The following ANK3 variants were observed in gnomAD, a reference collection of about 807,000 sequenced individuals.
ANK3 encodes ankyrin-3.
A neutral mutation model predicts 370.9 loss-of-function variants in ANK3; 57 were observed. The observed-to-expected ratio is 0.15, with a 90% CI of 0.12 to 0.19. The LOEUF (loss-of-function observed/expected upper bound fraction) is 0.19, where lower values mean the gene tolerates loss of function less well. Ranked by LOEUF, ANK3 falls within the 10% of genes least tolerant of loss-of-function variation. The pLI is 1.00. For synonymous variants in ANK3, 1,929 were observed against 1,946.3 expected (o/e 0.99, Z 0.23); for missense variants, 4,439 against 5,302.1 (o/e 0.84, Z 5.06).
chr10:60,046,316 A>C (rs991878443), intron 42 of ANK3, among the ~76,000 whole-genome samples: 2 of 152,228 alleles, frequency 1.3e-5, no homozygotes, highest in Non-Finnish European at 2.9e-5. Context: ...TTTTCCTTAT[A>C]GCTTAAACAC....
intron 2 of ANK3, chr10:60,572,943 A>G: frequency 1.0e-6 from 1 of 995,108 alleles, no homozygotes; most frequent in African/African-American, 1.7e-5. Flanking sequence ...ACACACAGAA[A>G]TAAGCTACAG....
chr10:60,040,380 C>G (rs1253001117), intron 43 of ANK3, among the ~76,000 whole-genome samples: 1 of 151,974 alleles, frequency 6.6e-6, no homozygotes, highest in Non-Finnish European at 1.5e-5. Flanking sequence ...TACATTCAGT[C>G]TCCTGGAATT....
chr10:60,560,157 A>C (rs1252953585), intron 2 of ANK3, among the ~76,000 whole-genome samples: 2 of 152,204 alleles, frequency 1.3e-5, no homozygotes, highest in Non-Finnish European at 2.9e-5. Flanking sequence ...CCTTTTATAC[A>C]AAGATAAGGT....
intron 18 of ANK3, among the ~76,000 whole-genome samples, chr10:60,178,608 T>C (rs1321604161): frequency 6.6e-6 from 1 of 152,206 alleles, no homozygotes; most frequent in Non-Finnish European, 1.5e-5. Context: ...GCAAGGAATA[T>C]ATCTCCCAGG....
At chr10:60,522,196 C>T (rs772416200) in intron 2 of ANK3, among the ~76,000 whole-genome samples, 2 of 152,024 alleles carry the variant, frequency 1.3e-5, no homozygotes, top group Non-Finnish European at 2.9e-5. Context: ...TCAGGAGTTG[C>T]TGCCTGCCTC....
At chr10:60,371,788 A>G (rs2060138211) in intron 1 of ANK3, among the ~76,000 whole-genome samples, 1 of 152,182 alleles carries the variant, frequency 6.6e-6, no homozygotes, top group African/African-American at 2.4e-5. Flanking sequence ...CCTTTCTGGT[A>G]TCCAAACTGA....
chr10:60,479,767 G>T (rs1043109549), intron 2 of ANK3, among the ~76,000 whole-genome samples: 4 of 151,914 alleles, frequency 2.6e-5, no homozygotes, highest in Middle Eastern at 3.4e-3. Context: ...ATCCTTCAAG[G>T]TTCAGTTCAA....
intron 1 of ANK3, among the ~76,000 whole-genome samples, chr10:60,310,166 C>T (rs1436967877): frequency 1.3e-5 from 2 of 152,012 alleles, no homozygotes; most frequent in Non-Finnish European, 2.9e-5. Context: ...CTCAAGAGAT[C>T]CTCCTGCCTC....
At chr10:60,572,651 G>A (rs1018596374) in intron 2 of ANK3, 3 of 1,453,102 alleles carry the variant, frequency 2.1e-6, no homozygotes, top group Non-Finnish European at 1.8e-6. Context: ...CCCAGGCAAA[G>A]CAGCCGCTGC....
chr10:60,625,129 C>T (rs1567186458), intron 1 of ANK3, among the ~76,000 whole-genome samples: 1 of 152,058 alleles, frequency 6.6e-6, no homozygotes, highest in Non-Finnish European at 1.5e-5. Flanking sequence ...TCTTGGTACC[C>T]TGAGCCACCA....
At chr10:60,179,254 T>C (rs939339527) in intron 18 of ANK3, among the ~76,000 whole-genome samples, 4 of 152,158 alleles carry the variant, frequency 2.6e-5, no homozygotes, top group African/African-American at 7.2e-5. Flanking sequence ...TTCACTTCCT[T>C]TTGGTGGCTG....
At chr10:60,715,817 C>T (rs1394144704) in intron 1 of ANK3, among the ~76,000 whole-genome samples, 1 of 152,138 alleles carries the variant, frequency 6.6e-6, no homozygotes. Flanking sequence ...CGGCCAAAAC[C>T]ATTAAGGTTC....
intron 7 of ANK3, among the ~76,000 whole-genome samples, chr10:60,250,053 A>G (rs561535927): frequency 6.6e-6 from 1 of 152,380 alleles, no homozygotes; most frequent in South Asian, 2.1e-4. Context: ...AAGACATAAA[A>G]TAAATTCAAG....
At chr10:60,162,837 T>C (rs1014109192) in intron 23 of ANK3, among the ~76,000 whole-genome samples, 5 of 152,174 alleles carry the variant, frequency 3.3e-5, no homozygotes, top group African/African-American at 1.2e-4. Flanking sequence ...AGATTTTTAC[T>C]TTGCATGGCT....
Position 60,543,526 on chromosome 10 carries a change from A to G in ANK3, c.96+71660T>C, listed in dbSNP as rs72822805. On this transcript the variant is annotated intron_variant, in intron 2 of 43. Transcript: ENST00000373827. Reference sequence around the variant, plus strand: ...AAAAGGTCAGTTCCAGGGAAAAAAAATACAGACAGATAGGCACACATACAC... The same window carrying G: ...AAAAGGTCAGTTCCAGGGAAAAAAAGTACAGACAGATAGGCACACATACAC... 5.5e-3 allele frequency among the ~76,000 whole-genome samples: 831 copies of G among 152,160 alleles called. 4 individuals carry two copies. The highest frequency in any genetic ancestry group is 0.01 in the Middle Eastern group (3 of 294).
intron 1 of ANK3, among the ~76,000 whole-genome samples, chr10:60,679,729 T>G (rs1412266851): frequency 1.3e-5 from 2 of 152,110 alleles, no homozygotes; most frequent in African/African-American, 2.4e-5. Context: ...ACGTCAAGGG[T>G]TGGACAGCGC....
chr10:60,077,992 C>A (rs1237962015), intron 36 of ANK3, among the ~76,000 whole-genome samples: 1 of 152,228 alleles, frequency 6.6e-6, no homozygotes, highest in Non-Finnish European at 1.5e-5. Flanking sequence ...TTGGTCCTCT[C>A]TGCTTCTACA....
Position 60,354,889 on chromosome 10 carries a change from G to A in ANK3, c.114+34536C>T, listed in dbSNP as rs575254006. Among the ~76,000 whole-genome samples the A allele has an allele frequency of 3.3e-5, 5 of 152,118 alleles. No individual in the cohort carries two copies. The East Asian group carries it at 9.7e-4, about 30-fold the overall frequency. Reference sequence around the variant, plus strand: ...TTCTTTTGTATTTTTTGATATTGATGGTTTTGAATTTTCCAGAGAATTCCA... The same window carrying A: ...TTCTTTTGTATTTTTTGATATTGATAGTTTTGAATTTTCCAGAGAATTCCA... On this transcript the variant is annotated intron_variant, in intron 1 of 43. Transcript: ENST00000280772.
chr10:60,703,145 ATAT>A (rs1480492602), intron 1 of ANK3, among the ~76,000 whole-genome samples: 1 of 152,212 alleles, frequency 6.6e-6, no homozygotes, highest in Non-Finnish European at 1.5e-5. Flanking sequence ...CAATTAAAAA[ATAT>A]TATGATATTT....
Sources: allele counts gnomAD v4.1 joint callset (sites outside exome capture counted in the v4.1 genomes callset), GRCh38; gene constraint gnomAD v4.1.1; transcripts MANE v1.5; gene names NCBI Gene and HGNC (gene_info 2026-07-23, HGNC 2026-07-21).